ADAMTS12: variants seen among roughly 807,000 people sequenced by gnomAD.
ADAMTS12 encodes A disintegrin and metalloproteinase with thrombospondin motifs 12.
Under a neutral mutation model 167.8 loss-of-function variants are expected in ADAMTS12, and 118 were observed. The observed-to-expected ratio is 0.70, with a 90% CI of 0.61 to 0.82. The LOEUF is 0.82. ADAMTS12 is among the 40% of genes least tolerant of loss of function. The pLI is 0.00. For missense variants in ADAMTS12, 1,916 were observed against 1,998.8 expected (o/e 0.96, Z 0.79); for synonymous variants, 704 against 716.9 (o/e 0.98, Z 0.29).
chr5:33,643,550 C>T, intron 9 of ADAMTS12, 80 bp from the exon 10 acceptor site: 1 of 1,195,818 alleles, frequency 8.4e-7, no homozygotes, highest in Admixed American at 1.8e-5. Flanking sequence ...AATATGCACA[C>T]TCATCCACAC....
intron 2 of ADAMTS12, among the ~76,000 whole-genome samples, chr5:33,848,373 A>G (rs1749026849): frequency 6.6e-6 from 1 of 152,332 alleles, no homozygotes; most frequent in Non-Finnish European, 1.5e-5. Flanking sequence ...AGGATAGACA[A>G]ACAAGCGACA....
chr5:33,679,964 G>A (rs556185477), intron 5 of ADAMTS12, among the ~76,000 whole-genome samples: 13 of 152,306 alleles, frequency 8.5e-5, no homozygotes, highest in Non-Finnish European at 1.5e-4. Flanking sequence ...ATTAGTTAAG[G>A]GCTGGAATCA....
At chr5:33,633,430 A>G (rs557091209) in intron 12 of ADAMTS12, among the ~76,000 whole-genome samples, 8 of 151,086 alleles carry the variant, frequency 5.3e-5, no homozygotes, top group Non-Finnish European at 7.4e-5. Flanking sequence ...AGTCTTAGAA[A>G]TTATCCAGGA....
Position 33,628,341 on chromosome 5 carries a change from T to C in ADAMTS12, c.2022+2439A>G, listed in dbSNP as rs575944227. On this transcript the variant is annotated intron_variant, in intron 13 of 23. Transcript: ENST00000504830. Reference sequence around the variant, plus strand: ...TGCTCATTTTTAAAAGCTTATTCTATGTCATCCTGGTAATTTAAAACAGAA... The same window carrying C: ...TGCTCATTTTTAAAAGCTTATTCTACGTCATCCTGGTAATTTAAAACAGAA... Among the ~76,000 whole-genome samples, 8 of 152,218 alleles carry C rather than the reference T, an allele frequency of 5.3e-5. No homozygotes were observed. The East Asian group carries it at 1.5e-3, about 29-fold the overall frequency.
chr5:33,568,711 T>C (rs1212660723), intron 19 of ADAMTS12, among the ~76,000 whole-genome samples: 3 of 152,234 alleles, frequency 2.0e-5, no homozygotes, highest in African/African-American at 7.2e-5. Context: ...GGTACCGGGT[T>C]CATCTCACTA....
At chr5:33,743,308 A>G (rs1744662310) in intron 3 of ADAMTS12, among the ~76,000 whole-genome samples, 1 of 152,240 alleles carries the variant, frequency 6.6e-6, no homozygotes. Context: ...ATTCGAAATG[A>G]GACTGGAAGA....
At chr5:33,528,006 A>T (rs1325914528) in intron 23 of ADAMTS12, among the ~76,000 whole-genome samples, 3 of 152,106 alleles carry the variant, frequency 2.0e-5, no homozygotes, top group Non-Finnish European at 4.4e-5. Flanking sequence ...AAGATATGGA[A>T]CCAACCTAAG....
At chr5:33,737,890 C>T (rs974619983) in intron 3 of ADAMTS12, among the ~76,000 whole-genome samples, 17 of 152,162 alleles carry the variant, frequency 1.1e-4, no homozygotes, top group Admixed American at 6.5e-4. Context: ...CCTACCTTTG[C>T]GCAACATTTT....
chr5:33,628,428 C>T (rs1346501790), intron 13 of ADAMTS12, among the ~76,000 whole-genome samples: 10 of 152,038 alleles, frequency 6.6e-5, no homozygotes, highest in African/African-American at 2.4e-4. Context: ...CTAAAAAAAA[C>T]TAGGGGGAAG....
intron 2 of ADAMTS12, among the ~76,000 whole-genome samples, chr5:33,839,199 G>A (rs1748648191): frequency 6.6e-6 from 1 of 152,202 alleles, no homozygotes; most frequent in African/African-American, 2.4e-5. Context: ...CACTTAACAT[G>A]TTTGTGCCTC....
intron 9 of ADAMTS12, among the ~76,000 whole-genome samples, chr5:33,648,122 T>C (rs1323616746): frequency 6.6e-6 from 1 of 152,140 alleles, no homozygotes; most frequent in African/African-American, 2.4e-5. Context: ...GTTCAGAGAG[T>C]AGACAATTTC....
chr5:33,615,698 C>T (rs1738965922), intron 15 of ADAMTS12, 130 bp downstream of exon 15: 4 of 1,247,412 alleles, frequency 3.2e-6, no homozygotes, highest in Non-Finnish European at 4.5e-6. Context: ...TATCTCATTC[C>T]CCTCCCTGCT....
chr5:33,721,739 G>A (rs773760278), intron 3 of ADAMTS12, among the ~76,000 whole-genome samples: 41 of 152,158 alleles, frequency 2.7e-4, no homozygotes, highest in Admixed American at 1.9e-3. Context: ...AGCTTTCCTG[G>A]GTCTATTCCA....
At chr5:33,849,858 G>A (rs1348959100) in intron 2 of ADAMTS12, among the ~76,000 whole-genome samples, 2 of 149,818 alleles carry the variant, frequency 1.3e-5, no homozygotes, top group Non-Finnish European at 3.0e-5. Flanking sequence ...AATATACATT[G>A]TATCAATATA....
intron 3 of ADAMTS12, among the ~76,000 whole-genome samples, chr5:33,693,769 G>A (rs1418493363): frequency 2.6e-5 from 4 of 152,044 alleles, no homozygotes; most frequent in Non-Finnish European, 2.9e-5. Flanking sequence ...AGATAAGGAC[G>A]CTCACTCCCA....
intron 2 of ADAMTS12, among the ~76,000 whole-genome samples, chr5:33,758,173 G>A (rs7729796): frequency 0.043 from 6,524 of 152,222 alleles, 506 homozygotes; most frequent in African/African-American, 0.15. Flanking sequence ...ATGCTAATAT[G>A]CTACTACGAT....
Position 33,576,382 on chromosome 5 carries a change from G to C in ADAMTS12, c.3644C>G (p.Thr1215Arg), listed in dbSNP as rs199653622. ...GCTGGGGAGCAGTCCTTCCATTACT[G>C]TGCTGAAGGGTGGCCACCAGGACTC... is the stretch of plus-strand genomic sequence containing the variant. ...SRESWWPPFSTVMEGLLPSQR... is the reference protein window; with the variant it reads ...SRESWWPPFSRVMEGLLPSQR... Residue 1215 changes from threonine (T) to arginine (R), a missense_variant, in exon 19 of 24, where the codon ACA (threonine) becomes AGA (arginine). Coordinates refer to ENST00000504830, the MANE Select transcript of ADAMTS12 (RefSeq NM_030955.4). 6.2e-7 allele frequency: 1 copy of C among 1,614,150 alleles called. No homozygotes were observed. Among genetic ancestry groups the C allele is most frequent in the African/African-American group, 1.3e-5 (1 of 75,058 alleles).
rs776128761 is a variant in ADAMTS12, at chr5:33,637,566, C to T, written c.1888+11G>A. 14 of 1,611,064 alleles carry T rather than the reference C, an allele frequency of 8.7e-6. No individual in the cohort carries two copies. The Middle Eastern group carries it at 6.6e-4, about 76-fold the overall frequency. Reference sequence around the variant, plus strand: ...TCCCTAGATCTGAGATACACCATTACAGCTCCTTACCTGGGTTAAAAATGG... The same window carrying T: ...TCCCTAGATCTGAGATACACCATTATAGCTCCTTACCTGGGTTAAAAATGG... On this transcript the variant is annotated intron_variant, in intron 12 of 23. Transcript: ENST00000504830.
At chr5:33,878,432 T>C (rs1316813113) in intron 2 of ADAMTS12, among the ~76,000 whole-genome samples, 1 of 152,168 alleles carries the variant, frequency 6.6e-6, no homozygotes, top group Non-Finnish European at 1.5e-5. Flanking sequence ...CTTCTGAACG[T>C]CGTATGAATC....
Sources: gnomAD v4.1 joint callset for allele counts (sites outside exome capture counted in the v4.1 genomes callset) on GRCh38, gnomAD v4.1.1 for gene constraint, MANE v1.5 for transcripts, NCBI Gene and HGNC (gene_info 2026-07-23, HGNC 2026-07-21) for gene names.